OSTF1: variants seen among roughly 807,000 people sequenced by gnomAD.
The protein encoded by OSTF1 is osteoclast-stimulating factor 1.
OSTF1 carries 27 observed loss-of-function variants against 37.2 expected under a neutral mutation model. That is an observed-to-expected ratio of 0.73 (90% CI 0.54 to 1.00). The LOEUF (loss-of-function observed/expected upper bound fraction) is 1.00. OSTF1 is among the 50% of genes least tolerant of loss of function. The probability of loss-of-function intolerance (pLI) is 0.00; values close to 1 mark genes in which losing one functional copy is unlikely to be tolerated. For missense variants in OSTF1, 232 were observed against 253.8 expected (o/e 0.91, Z 0.58); for synonymous variants, 82 against 89.2 (o/e 0.92, Z 0.46).
chr9:75,095,058 A>G (rs1046384957), intron 1 of OSTF1, among the ~76,000 whole-genome samples: 1 of 152,174 alleles, frequency 6.6e-6, no homozygotes, highest in Non-Finnish European at 1.5e-5. Flanking sequence ...TACAACACAA[A>G]TATTAGAACC....
intron 1 of OSTF1, among the ~76,000 whole-genome samples, chr9:75,089,210 A>C (rs1824888619): frequency 6.6e-6 from 1 of 151,582 alleles, no homozygotes; most frequent in Non-Finnish European, 1.5e-5. Flanking sequence ...CTCGGGACTT[A>C]AGCGTGGAGC....
At chr9:75,137,228 T>A (rs1825857019) in intron 7 of OSTF1, among the ~76,000 whole-genome samples, 1 of 152,128 alleles carries the variant, frequency 6.6e-6, no homozygotes, top group South Asian at 2.1e-4. Flanking sequence ...AATTCCTAAT[T>A]TTTGCCAGGC....
chr9:75,129,719 ATTC>A (rs1825733823), intron 3 of OSTF1, among the ~76,000 whole-genome samples: 1 of 152,194 alleles, frequency 6.6e-6, no homozygotes. Flanking sequence ...AACCAACTGG[ATTC>A]TTCAACAAAT....
At chr9:75,145,597 C>T (rs538206364) in intron 9 of OSTF1, among the ~76,000 whole-genome samples, 7 of 152,236 alleles carry the variant, frequency 4.6e-5, no homozygotes, top group Admixed American at 2.6e-4. Flanking sequence ...TGTTTTGTTA[C>T]GCAGAGGAAC....
chr9:75,098,220 C>G (rs1283981968), intron 1 of OSTF1, among the ~76,000 whole-genome samples: 3 of 152,140 alleles, frequency 2.0e-5, no homozygotes, highest in African/African-American at 7.2e-5. Context: ...TTCCCAACTC[C>G]CAGCTACTCA....
chr9:75,104,483 A>G (rs1176009866), intron 1 of OSTF1, among the ~76,000 whole-genome samples: 1 of 152,086 alleles, frequency 6.6e-6, no homozygotes. Context: ...GAGATTATGC[A>G]GAGCTGTGAT....
At chr9:75,122,946 A>G (rs1269970898) in intron 2 of OSTF1, among the ~76,000 whole-genome samples, 1 of 152,238 alleles carries the variant, frequency 6.6e-6, no homozygotes, top group African/African-American at 2.4e-5. Context: ...TTTTCATAAA[A>G]TATATTTGCA....
intron 1 of OSTF1, among the ~76,000 whole-genome samples, chr9:75,096,611 G>C (rs1335300045): frequency 6.6e-6 from 1 of 152,202 alleles, no homozygotes; most frequent in Non-Finnish European, 1.5e-5. Context: ...GAAACTCATG[G>C]ATTCTATTTT....
chr9:75,141,096 G>A (rs1825935772), intron 9 of OSTF1, among the ~76,000 whole-genome samples, 164 bp downstream of exon 9: 1 of 151,940 alleles, frequency 6.6e-6, no homozygotes, highest in African/African-American at 2.4e-5. Context: ...CCCAGGAGTT[G>A]GAGACCAGCC....
At chr9:75,117,095 G>A (rs1020730272) in intron 1 of OSTF1, among the ~76,000 whole-genome samples, 1 of 152,044 alleles carries the variant, frequency 6.6e-6, no homozygotes, top group African/African-American at 2.4e-5. Flanking sequence ...ACAGATAATT[G>A]TACATATTCA....
Position 75,131,860 on chromosome 9 carries a change from A to G in OSTF1, c.250+37A>G, listed in dbSNP as rs368067729. ...TCTTTTTGACTGAGGTATGCAGTAC[A>G]GTAAAAGGCACGGATTTCAATTAGC... On this transcript the variant is annotated intron_variant, in intron 5 of 9. Coordinates refer to ENST00000346234, the MANE Select transcript of OSTF1 (RefSeq NM_012383.5). 8.0e-6 allele frequency: 12 copies of G among 1,491,322 alleles called. No individual in the cohort carries two copies. The African/African-American group carries it at 8.3e-5, about 10-fold the overall frequency. 92.4% of individuals were successfully genotyped at this position (1,491,322 alleles called of 1,614,324 possible).
intron 9 of OSTF1, among the ~76,000 whole-genome samples, chr9:75,146,096 A>G (rs1826019621): frequency 6.6e-6 from 1 of 152,230 alleles, no homozygotes; most frequent in African/African-American, 2.4e-5. Context: ...AGACAGTTGA[A>G]GGGGTGACTG....
chr9:75,112,025 A>G (rs115179203), intron 1 of OSTF1, among the ~76,000 whole-genome samples: 5,614 of 151,134 alleles, frequency 0.037, 334 homozygotes, highest in African/African-American at 0.13. Context: ...GGGTTTCACC[A>G]AGTTAGCCAG....
At chr9:75,091,176 C>T (rs1380724201) in intron 1 of OSTF1, among the ~76,000 whole-genome samples, 1 of 149,964 alleles carries the variant, frequency 6.7e-6, no homozygotes, top group Non-Finnish European at 1.5e-5. Context: ...ACCTCCGCCT[C>T]TCGGGATCAA....
intron 2 of OSTF1, 55 bp downstream of exon 2, chr9:75,117,605 A>C: frequency 8.0e-7 from 1 of 1,253,446 alleles, no homozygotes; most frequent in Non-Finnish European, 1.2e-6. Flanking sequence ...AGATGATTTT[A>C]TTTAGACATT....
At chr9:75,128,387 TA>T (rs1471872741) in intron 3 of OSTF1, among the ~76,000 whole-genome samples, 24 of 91,692 alleles carry the variant, frequency 2.6e-4, no homozygotes, top group African/African-American at 1.1e-3. Context: ...TATATATATA[TA>T]TATATATATA....
intron 2 of OSTF1, among the ~76,000 whole-genome samples, chr9:75,121,411 G>T (rs779545038): frequency 6.6e-6 from 1 of 151,862 alleles, no homozygotes; most frequent in African/African-American, 2.4e-5. Flanking sequence ...AATTCTTTAG[G>T]CTTTAAAAAA....
intron 3 of OSTF1, among the ~76,000 whole-genome samples, chr9:75,130,032 G>A (rs1165526630): frequency 6.6e-6 from 1 of 152,118 alleles, no homozygotes; most frequent in Non-Finnish European, 1.5e-5. Flanking sequence ...TAATCCAGGA[G>A]GGGAGGGACG....
intron 2 of OSTF1, among the ~76,000 whole-genome samples, chr9:75,122,633 A>G (rs1045785576): frequency 5.3e-5 from 8 of 152,200 alleles, no homozygotes; most frequent in Non-Finnish European, 1.0e-4. Flanking sequence ...GGGTAAGAGC[A>G]GGGACTTCGT....
Sources: gnomAD v4.1 joint callset for allele counts (sites outside exome capture counted in the v4.1 genomes callset) on GRCh38, gnomAD v4.1.1 for gene constraint, MANE v1.5 for transcripts, NCBI Gene and HGNC (gene_info 2026-07-23, HGNC 2026-07-21) for gene names.